Variants in CNTNAP5 observed in about 807,000 individuals in gnomAD.
The protein encoded by CNTNAP5 is contactin associated protein family member 5.
A neutral mutation model predicts 150.2 loss-of-function variants in CNTNAP5; 72 were observed. The ratio of observed to expected loss-of-function variants is 0.48; its 90% CI spans 0.40 to 0.58. The LOEUF (loss-of-function observed/expected upper bound fraction) is 0.58. Ranked by LOEUF, CNTNAP5 falls within the 20% of genes least tolerant of loss-of-function variation. CNTNAP5 has a pLI of 0.00. For synonymous variants in CNTNAP5, 672 were observed against 619.8 expected (o/e 1.08, Z -1.25); for missense variants, 1,636 against 1,626.2 (o/e 1.01, Z -0.10).
intron 1 of CNTNAP5, among the ~76,000 whole-genome samples, chr2:124,138,140 T>G (rs1192073942): frequency 2.0e-5 from 3 of 152,146 alleles, no homozygotes; most frequent in African/African-American, 7.2e-5. Flanking sequence ...CGACCTCCTC[T>G]CCCTCCTCTC....
At chr2:124,862,239 T>C (rs533130488) in intron 19 of CNTNAP5, among the ~76,000 whole-genome samples, 1 of 152,350 alleles carries the variant, frequency 6.6e-6, no homozygotes, top group East Asian at 1.9e-4. Context: ...TCCTTTATAG[T>C]GTAGCAATGT....
intron 6 of CNTNAP5, among the ~76,000 whole-genome samples, chr2:124,456,084 G>A (rs1010489068): frequency 2.6e-5 from 4 of 152,260 alleles, no homozygotes; most frequent in South Asian, 2.1e-4. Context: ...ACAAGAGAAA[G>A]AAATAAAGTG....
intron 10 of CNTNAP5, among the ~76,000 whole-genome samples, chr2:124,561,973 A>T (rs1695903710): frequency 6.6e-6 from 1 of 152,158 alleles, no homozygotes; most frequent in African/African-American, 2.4e-5. Context: ...GATTGTTTTC[A>T]AAAATTATGG....
intron 1 of CNTNAP5, among the ~76,000 whole-genome samples, chr2:124,114,750 G>A (rs1683385300): frequency 1.3e-5 from 2 of 151,630 alleles, no homozygotes. Context: ...GATTGAATAT[G>A]TTTGTAGATA....
Position 124,025,570 on chromosome 2 carries a change from G to A in CNTNAP5, c.-81G>A. The A allele has an allele frequency of 8.0e-7, 1 of 1,245,956 alleles. No homozygotes were observed. Among genetic ancestry groups the A allele is most frequent in the Non-Finnish European group, 1.2e-6 (1 of 845,660 alleles). The allele number at this position is 1,245,956 out of a possible 1,614,324, so 77.2% of individuals were successfully genotyped here. On this transcript the variant is annotated 5_prime_UTR_variant, in exon 1 of 24. Coordinates refer to ENST00000682447, the MANE Select transcript of CNTNAP5 (RefSeq NM_001367498.1). ...GTGGGAGGGGGTCAGGCTGTGCAGAGGAGAGAGACAGCGAGAAGAAGCCGC... is the reference window on the plus strand; with the variant it reads ...GTGGGAGGGGGTCAGGCTGTGCAGAAGAGAGAGACAGCGAGAAGAAGCCGC...
intron 4 of CNTNAP5, among the ~76,000 whole-genome samples, chr2:124,425,332 A>G (rs1242577857): frequency 1.3e-5 from 2 of 152,210 alleles, no homozygotes; most frequent in Non-Finnish European, 2.9e-5. Flanking sequence ...TGACATTGCT[A>G]TTTAAATGAC....
At chr2:124,454,476 C>T (rs140166470) in intron 6 of CNTNAP5, among the ~76,000 whole-genome samples, 2 of 152,196 alleles carry the variant, frequency 1.3e-5, no homozygotes, top group African/African-American at 4.8e-5. Flanking sequence ...ACTGACAGCA[C>T]TAGACAGGTC....
At position 124,132,478 on chromosome 2, in the gene CNTNAP5, A is replaced by G. The variant is rs767213861; in HGVS notation, c.83-89227A>G. Reference sequence around the variant, plus strand: ...TCTGGTTGTATTATGCTTCCAAATGAGCTATCTGATTTTATCGTTAGAATA... The same window carrying G: ...TCTGGTTGTATTATGCTTCCAAATGGGCTATCTGATTTTATCGTTAGAATA... On this transcript the variant is annotated intron_variant, in intron 1 of 23. Coordinates refer to ENST00000682447, the MANE Select transcript of CNTNAP5 (RefSeq NM_001367498.1). Among the ~76,000 whole-genome samples the G allele has an allele frequency of 3.9e-5, 6 of 152,246 alleles. 1 individual carries two copies. The South Asian group carries it at 1.2e-3, about 32-fold the overall frequency.
intron 1 of CNTNAP5, among the ~76,000 whole-genome samples, chr2:124,215,384 A>C (rs1686129339): frequency 1.3e-5 from 2 of 152,218 alleles, no homozygotes; most frequent in African/African-American, 4.8e-5. Flanking sequence ...ATCATTTTAA[A>C]GAGTCAATGA....
At chr2:124,788,758 G>A (rs763826805) in intron 17 of CNTNAP5, among the ~76,000 whole-genome samples, 2 of 151,714 alleles carry the variant, frequency 1.3e-5, no homozygotes, top group African/African-American at 4.8e-5. Flanking sequence ...TCAGCCTCCC[G>A]AGTAGCTGGA....
At chr2:124,510,518 T>TATAA (rs10641959) in intron 8 of CNTNAP5, among the ~76,000 whole-genome samples, 1 of 124,918 alleles carries the variant, frequency 8.0e-6, no homozygotes, top group African/African-American at 3.2e-5. Flanking sequence ...TATATATATA[T>TATAA]ACATATATCT....
chr2:124,774,702 A>T (rs1022831744), intron 17 of CNTNAP5, among the ~76,000 whole-genome samples: 17 of 152,212 alleles, frequency 1.1e-4, no homozygotes, highest in Non-Finnish European at 2.2e-4. Flanking sequence ...TTCATAAATT[A>T]TATTCCATGC....
rs1486761461 is a variant in CNTNAP5, at chr2:124,510,267, ATATATC to A, written c.1327+5729_1327+5734del. On this transcript the variant is annotated intron_variant, in intron 8 of 23. Coordinates refer to ENST00000682447, the MANE Select transcript of CNTNAP5 (RefSeq NM_001367498.1). ...TATCTATATCTATATCTATATATCT[ATATATC>A]TATATCTATATCTATATATCTATAT... 3.0e-4 allele frequency among the ~76,000 whole-genome samples: 37 copies of A among 121,848 alleles called. 1 individual carries two copies. Among genetic ancestry groups the A allele is most frequent in the African/African-American group, 6.1e-4 (17 of 27,848 alleles). 79.9% of individuals were successfully genotyped at this position (121,848 alleles called of 152,430 possible).
intron 1 of CNTNAP5, among the ~76,000 whole-genome samples, chr2:124,093,832 G>A (rs966132204): frequency 6.6e-6 from 1 of 152,234 alleles, no homozygotes; most frequent in African/African-American, 2.4e-5. Flanking sequence ...TTTCAACTCA[G>A]TATTATCTTG....
chr2:124,796,030 C>A (rs188021091), intron 18 of CNTNAP5, among the ~76,000 whole-genome samples: 2 of 151,992 alleles, frequency 1.3e-5, no homozygotes, highest in Admixed American at 6.6e-5. Flanking sequence ...CCCATCTGAT[C>A]AAAAGCTTAA....
At chr2:124,041,625 A>G (rs1036678196) in intron 1 of CNTNAP5, among the ~76,000 whole-genome samples, 2 of 152,108 alleles carry the variant, frequency 1.3e-5, no homozygotes, top group Non-Finnish European at 2.9e-5. Flanking sequence ...CAGGGGACAT[A>G]TGGTAGGGTC....
chr2:124,699,111 A>G (rs1038637994), intron 13 of CNTNAP5, among the ~76,000 whole-genome samples: 8 of 152,200 alleles, frequency 5.3e-5, no homozygotes, highest in Non-Finnish European at 1.0e-4. Flanking sequence ...ACAATACTGT[A>G]TAGTGAGAGA....
chr2:124,393,052 A>C (rs1691160986), intron 3 of CNTNAP5, among the ~76,000 whole-genome samples: 1 of 152,054 alleles, frequency 6.6e-6, no homozygotes, highest in Non-Finnish European at 1.5e-5. Context: ...CAATCCCAAA[A>C]TTTTCTGTTA....
At chr2:124,553,521 G>T (rs56986181) in intron 10 of CNTNAP5, among the ~76,000 whole-genome samples, 11,705 of 128,534 alleles carry the variant, frequency 0.091, 517 homozygotes, top group South Asian at 0.12. Context: ...AAAAAAAAAA[G>T]TTAGAATGCA....
Sources: allele counts gnomAD v4.1 joint callset (sites outside exome capture counted in the v4.1 genomes callset), GRCh38; gene constraint gnomAD v4.1.1; transcripts MANE v1.5; gene names NCBI Gene and HGNC (gene_info 2026-07-23, HGNC 2026-07-21).